EIF2B5: variants seen among roughly 807,000 people sequenced by gnomAD.
The protein encoded by EIF2B5 is eukaryotic translation initiation factor 2B subunit epsilon, also known as translation initiation factor eIF2B subunit epsilon.
Under a neutral mutation model 87.3 loss-of-function variants are expected in EIF2B5, and 38 were observed. That is an observed-to-expected ratio of 0.44 (90% CI 0.34 to 0.57). The LOEUF (loss-of-function observed/expected upper bound fraction) is 0.57. Ranked by LOEUF, EIF2B5 falls within the 20% of genes least tolerant of loss-of-function variation. EIF2B5 has a pLI of 0.02. For missense variants in EIF2B5, 784 were observed against 909.5 expected (o/e 0.86, Z 1.78); for synonymous variants, 313 against 339.6 (o/e 0.92, Z 0.86).
Position 184,135,429 on chromosome 3 carries a change from G to A in EIF2B5, c.44G>A (p.Arg15Gln). 1.3e-6 allele frequency: 2 copies of A among 1,582,654 alleles called. No homozygotes were observed. Among genetic ancestry groups the A allele is most frequent in the East Asian group, 2.3e-5 (1 of 43,924 alleles). The stretch of plus-strand genomic sequence containing the variant: ...GCGCCGCCTGGTGTGGTGGTTAGTC[G>A]GGCTAACAAGCGCAGCGGCGCGGGG... Reference protein sequence around the residue: ...VVAPPGVVVSRANKRSGAGPG... With the variant: ...VVAPPGVVVSQANKRSGAGPG... The change falls in exon 1 of 16, where the codon CGG becomes CAG. Residue 15 changes from arginine (R) to glutamine (Q), a missense_variant. Coordinates refer to ENST00000648915, the MANE Select transcript of EIF2B5 (RefSeq NM_003907.3).
intron 6 of EIF2B5, 129 bp downstream of exon 6, chr3:184,140,286 G>A (rs1034394171): frequency 1.4e-5 from 20 of 1,390,254 alleles, no homozygotes; most frequent in Admixed American, 8.7e-5. Flanking sequence ...GGGACAGGAG[G>A]AACAGTACAC....
intron 12 of EIF2B5, 25 bp from the exon 13 acceptor site, chr3:184,143,417 T>C (rs746813037): frequency 9.3e-6 from 15 of 1,614,152 alleles, no homozygotes; most frequent in Non-Finnish European, 1.3e-5. Flanking sequence ...GTGAAGGCCC[T>C]GGTGTCACCC....
chr3:184,144,375 C>A, intron 14 of EIF2B5, 151 bp downstream of exon 14: 1 of 1,382,578 alleles, frequency 7.2e-7, no homozygotes, highest in Non-Finnish European at 1.0e-6. Flanking sequence ...CAGCTTGGAG[C>A]CGGACTAATA....
rs920044743 is a variant in EIF2B5, at chr3:184,140,449, C to T, written c.875C>T (p.Thr292Ile). Reference protein sequence around the residue: ...ILGNQIHMHVTAKEYGARVSN... With the variant: ...ILGNQIHMHVIAKEYGARVSN... ...GGGAACCAGATCCACATGCACGTAACAGCTAAGGAATATGGTGCCCGTGTC... is the reference window on the plus strand; with the variant it reads ...GGGAACCAGATCCACATGCACGTAATAGCTAAGGAATATGGTGCCCGTGTC... The change falls in exon 7 of 16, where the codon ACA becomes ATA. Residue 292 changes from threonine to isoleucine, a missense_variant. Coordinates refer to ENST00000648915, the MANE Select transcript of EIF2B5 (RefSeq NM_003907.3). 8 of 1,614,010 alleles carry T rather than the reference C, an allele frequency of 5.0e-6. No individual in the cohort carries two copies. Among genetic ancestry groups the T allele is most frequent in the Admixed American group, 3.3e-5 (2 of 59,994 alleles).
In EIF2B5 at chr3:184,140,540, C is replaced by G. The variant is rs145535476; in HGVS notation, c.966C>G (p.Thr322=). ...TCCGCCGATGGGTCTACCCTCTCACCCCAGAGGCGAACTTCACTGACAGCA... is the reference window on the plus strand; with the variant it reads ...TCCGCCGATGGGTCTACCCTCTCACGCCAGAGGCGAACTTCACTGACAGCA... ...DVIRRWVYPL[T]PEANFTDSTT... Residue 322 remains threonine, a synonymous_variant, in exon 7 of 16, where the codon ACC becomes ACG. Transcript: ENST00000648915. 6.2e-5 allele frequency: 100 copies of G among 1,614,154 alleles called. No homozygotes were observed. In the African/African-American group the frequency reaches 1.1e-3, roughly 18 times the overall value.
chr3:184,137,497 TG>T, intron 2 of EIF2B5, 122 bp from the exon 3 acceptor site: 1 of 907,766 alleles, frequency 1.1e-6, no homozygotes, highest in Non-Finnish European at 1.8e-6. Context: ...TTGAAGACGC[TG>T]GCAAGAACCC....
At position 184,135,368 on chromosome 3, in the gene EIF2B5, T is replaced by G; in HGVS notation, c.-18T>G. The G allele has an allele frequency of 1.3e-6, 2 of 1,570,230 alleles. No individual in the cohort carries two copies. Among genetic ancestry groups the G allele is most frequent in the Non-Finnish European group, 1.7e-6 (2 of 1,158,202 alleles). ...GGTGGCAGCTTCCTTGCGGAAGTGG[T>G]GACCGTGAGAGAAGAAGATGGCGGC... On this transcript the variant is annotated 5_prime_UTR_variant, in exon 1 of 16. Coordinates refer to ENST00000648915, the MANE Select transcript of EIF2B5 (RefSeq NM_003907.3).
intron 5 of EIF2B5, chr3:184,138,901 A>C (rs1221902919): frequency 6.7e-6 from 2 of 297,370 alleles, no homozygotes; most frequent in African/African-American, 4.7e-5. Flanking sequence ...AGCTCAAGCA[A>C]TCTGACCACC....
intron 15 of EIF2B5, 44 bp downstream of exon 15, chr3:184,144,751 C>G: frequency 6.3e-7 from 1 of 1,594,800 alleles, no homozygotes; most frequent in Admixed American, 1.8e-5. Context: ...TTATCTCATT[C>G]CCAGGTCCTG....
At chr3:184,140,806 G>A (rs1242999862) in intron 7 of EIF2B5, 76 bp downstream of exon 7, 1 of 1,525,698 alleles carries the variant, frequency 6.6e-7, no homozygotes, top group African/African-American at 1.4e-5. Context: ...AGAAACACAA[G>A]GGATGGCTAC....
Position 184,142,575 on chromosome 3 carries a change from AGAG to A in EIF2B5, c.1524_1526del (p.Glu509del), listed in dbSNP as rs1393849306. The A allele has an allele frequency of 1.9e-6, 3 of 1,614,132 alleles. No homozygotes were observed. ...AAGCTGCAGGCATGAACATGGAGGA[AGAG>A]GAGGAACTGCAGCAGAATCTGTGGG... On this transcript the variant is annotated inframe_deletion, in exon 10 of 16. Coordinates refer to ENST00000648915, the MANE Select transcript of EIF2B5 (RefSeq NM_003907.3). The surrounding 1 kb of genome is among the most constrained non-coding windows in gnomAD (Gnocchi z 5.0).
Position 184,144,087 on chromosome 3 carries a change from T to G in EIF2B5, c.1870-12T>G. The G allele has an allele frequency of 6.2e-7, 1 of 1,614,236 alleles. No individual in the cohort carries two copies. On this transcript the variant is annotated splice_polypyrimidine_tract_variant and intron_variant, in intron 13 of 15. Transcript: ENST00000648915. ...TTAGGAATATACTGCAGCTCCCTTC[T>G]TTCTTCCATAGCTGCTAAAGGCCTG... is the stretch of plus-strand genomic sequence containing the variant.
At position 184,145,146 on chromosome 3, in the gene EIF2B5, G is replaced by A; in HGVS notation, c.*203G>A. On this transcript the variant is annotated 3_prime_UTR_variant, in exon 16 of 16. Transcript: ENST00000648915. The surrounding 1 kb of genome is among the most constrained non-coding windows in gnomAD (Gnocchi z 4.0). ...GACTGTGGAGTTGGGATGTGGAAGT[G>A]GGGCTGGAACAAAGCTTCTGCCTAG... The A allele has an allele frequency of 1.6e-6, 1 of 642,834 alleles. No individual in the cohort carries two copies. Among genetic ancestry groups the A allele is most frequent in the East Asian group, 2.8e-5 (1 of 35,852 alleles). 39.8% of individuals were successfully genotyped at this position (642,834 alleles called of 1,614,324 possible). A position where few individuals can be genotyped will look rare whatever the true frequency, so the allele number is the denominator to read the frequency against.
In EIF2B5 at chr3:184,135,533, G is replaced by C; in HGVS notation, c.148G>C (p.Asp50His). Residue 50 changes from aspartate (D) to histidine (H), a missense_variant, in exon 1 of 16, where the codon GAT becomes CAT. This residue lies in a region of EIF2B5 where 117 missense variants were observed against 101.0 expected (regional missense o/e 1.16). Transcript: ENST00000648915. The stretch of plus-strand genomic sequence containing the variant: ...GCCCCTACAAGCAGTTCTGGTGGCC[G>C]ATAGCTTCGATCGCCGCTTCTTCCC... ...PPPLQAVLVA[D>H]SFDRRFFPIS... 1 of 1,590,226 alleles carries C rather than the reference G, an allele frequency of 6.3e-7. No homozygotes were observed. Among genetic ancestry groups the C allele is most frequent in the Non-Finnish European group, 8.6e-7 (1 of 1,169,384 alleles).
chr3:184,144,136 T>C lies in EIF2B5; in HGVS notation c.1907T>C (p.Ile636Thr). 5.0e-6 allele frequency: 8 copies of C among 1,614,244 alleles called. No individual in the cohort carries two copies. Among genetic ancestry groups the C allele is most frequent in the South Asian group, 3.3e-5 (3 of 91,082 alleles). The change falls in exon 14 of 16, where the codon ATA becomes ACA. Residue 636 changes from isoleucine to threonine, a missense_variant. By Grantham distance (89) the Ile-to-Thr change is moderately conservative. Around this residue, in one of 3 missense-constraint regions of EIF2B5, gnomAD observed 660 missense variants for 789.5 expected, o/e 0.84. Coordinates refer to ENST00000648915, the MANE Select transcript of EIF2B5 (RefSeq NM_003907.3). ...TGGAGCCCTGTTTTTAGGAACTACA[T>C]AAAGCGCGCAGCCGACCATTTGGAA... ...KAWSPVFRNYIKRAADHLEAL... is the reference protein window; with the variant it reads ...KAWSPVFRNYTKRAADHLEAL...
chr3:184,142,702 C>A lies in EIF2B5; in HGVS notation c.1547-77C>A. 1 of 1,549,734 alleles carries A rather than the reference C, an allele frequency of 6.5e-7. No homozygotes were observed. Among genetic ancestry groups the A allele is most frequent in the East Asian group, 2.3e-5 (1 of 43,382 alleles). On this transcript the variant is annotated intron_variant, in intron 10 of 15. Transcript: ENST00000648915. This position sits in a 1 kb window ranked among gnomAD's most constrained non-coding sequence, Gnocchi z 5.0. ...CACATTACTTATTCACTCCTTTATTCAGGCAGACAGGGCAGGTATATTGCT... is the reference window on the plus strand; with the variant it reads ...CACATTACTTATTCACTCCTTTATTAAGGCAGACAGGGCAGGTATATTGCT...
intron 12 of EIF2B5, 42 bp downstream of exon 12, chr3:184,143,184 G>C: frequency 6.3e-7 from 1 of 1,597,866 alleles, no homozygotes; most frequent in Non-Finnish European, 8.5e-7. Flanking sequence ...GTGATCCCGG[G>C]AAGGTAGAGG....
At chr3:184,144,843 G>A in intron 15 of EIF2B5, 41 bp from the exon 16 acceptor site, 2 of 1,608,710 alleles carry the variant, frequency 1.2e-6, no homozygotes, top group Non-Finnish European at 8.5e-7. Context: ...GGAGAGTTAT[G>A]TGCACCTCCC....
At chr3:184,139,644 C>A (rs1205247325) in intron 5 of EIF2B5, among the ~76,000 whole-genome samples, 1 of 150,276 alleles carries the variant, frequency 6.7e-6, no homozygotes, top group Non-Finnish European at 1.5e-5. Context: ...CACTGGGAGT[C>A]TCTTTGGAAT....
Sources: allele counts gnomAD v4.1 joint callset (sites outside exome capture counted in the v4.1 genomes callset), GRCh38; gene constraint gnomAD v4.1.1; regional missense constraint gnomAD v4.1.1; non-coding constraint Gnocchi (gnomAD v3.1); transcripts MANE v1.5; gene names NCBI Gene and HGNC (gene_info 2026-07-23, HGNC 2026-07-21).